The following SESN1 variants were observed in gnomAD, a reference collection of about 807,000 sequenced individuals.
The protein encoded by SESN1 is sestrin-1.
Under a neutral mutation model 59.3 loss-of-function variants are expected in SESN1, and 30 were observed. The ratio of observed to expected loss-of-function variants is 0.51; its 90% CI spans 0.38 to 0.69. SESN1 has a LOEUF of 0.69. SESN1 is among the 30% of genes least tolerant of loss of function. The pLI, the probability that SESN1 is intolerant of heterozygous loss-of-function variation, is 0.00. For synonymous variants in SESN1, 197 were observed against 219.9 expected, an observed-to-expected ratio of 0.90 and a Z score of 0.92; for missense variants, 566 against 673.0, an observed-to-expected ratio of 0.84 and a Z score of 1.76.
At chr6:108,989,595 A>G (rs1249959777) in intron 8 of SESN1, among the ~76,000 whole-genome samples, 13 of 143,246 alleles carry the variant, frequency 9.1e-5, no homozygotes, top group Admixed American at 9.0e-4. Flanking sequence ...AGAGAGAGAT[A>G]GAGAGAGATA....
intron 1 of SESN1, among the ~76,000 whole-genome samples, chr6:109,021,382 C>T (rs1478465572): frequency 6.6e-6 from 1 of 152,166 alleles, no homozygotes; most frequent in African/African-American, 2.4e-5. Context: ...TCATTGTTTT[C>T]CATACAACCC....
chr6:109,056,270 G>A (rs1780631453), intron 1 of SESN1, among the ~76,000 whole-genome samples: 1 of 152,130 alleles, frequency 6.6e-6, no homozygotes, highest in Non-Finnish European at 1.5e-5. Flanking sequence ...AGCGAGGCAT[G>A]GTAGCGTACA....
intron 1 of SESN1, among the ~76,000 whole-genome samples, chr6:109,032,526 G>A (rs1339771750): frequency 1.3e-5 from 2 of 151,506 alleles, no homozygotes; most frequent in African/African-American, 2.4e-5. Context: ...GCTGAGGCAG[G>A]AGAATCGCTT....
intron 1 of SESN1, among the ~76,000 whole-genome samples, chr6:109,056,868 C>T (rs1459472046): frequency 2.0e-5 from 3 of 152,148 alleles, no homozygotes; most frequent in Non-Finnish European, 1.5e-5. Flanking sequence ...GGAGTGATAG[C>T]TCACTTCCAA....
At chr6:109,057,566 T>C (rs1364725871) in intron 1 of SESN1, among the ~76,000 whole-genome samples, 1 of 152,228 alleles carries the variant, frequency 6.6e-6, no homozygotes, top group Non-Finnish European at 1.5e-5. Flanking sequence ...AGGTTCCTCT[T>C]ATTCAAGGAT....
chr6:108,994,550 T>C lies in SESN1; in HGVS notation c.1032A>G (p.Glu344=). 1.2e-6 allele frequency: 2 copies of C among 1,613,746 alleles called. No homozygotes were observed. Among genetic ancestry groups the C allele is most frequent in the Non-Finnish European group, 1.7e-6 (2 of 1,179,804 alleles). Residue 344 remains glutamate, a synonymous_variant, in exon 6 of 10, where the codon GAA becomes GAG. Transcript: ENST00000436639. Reference sequence around the variant, plus strand: ...GACTTGCCTCTTCTTCATCTCGACATTCCTGTAACTGCCTCATCTTTTCCA... The same window carrying C: ...GACTTGCCTCTTCTTCATCTCGACACTCCTGTAACTGCCTCATCTTTTCCA... The part of the protein sequence containing the change: ...ALMEKMRQLQ[E]CRDEEEASQE...
At chr6:109,092,754 A>T (rs559440069) in intron 1 of SESN1, among the ~76,000 whole-genome samples, 5 of 152,196 alleles carry the variant, frequency 3.3e-5, no homozygotes, top group African/African-American at 9.6e-5. Flanking sequence ...GTTACCTAGT[A>T]TATTAATTCC....
chr6:109,055,618 T>C (rs1780616277), intron 1 of SESN1, among the ~76,000 whole-genome samples: 1 of 123,138 alleles, frequency 8.1e-6, no homozygotes, highest in Non-Finnish European at 1.7e-5. Context: ...GTGTAGATCA[T>C]GCCACTGCAC....
rs535093260 is a variant in SESN1 at position 109,026,649 on chromosome 6, C to T, written c.280-24306G>A. Among the ~76,000 whole-genome samples the T allele has an allele frequency of 3.9e-5, 6 of 152,126 alleles. No individual in the cohort carries two copies. In the East Asian group the frequency reaches 5.9e-4, roughly 15 times the overall value. On this transcript the variant is annotated intron_variant, in intron 1 of 9. Coordinates refer to ENST00000436639, the MANE Select transcript of SESN1 (RefSeq NM_014454.3). ...CCTCCCGAGTAGCTAGGACTACAGG[C>T]GTGCGCCACCATGCCCAACTAATTT...
chr6:109,069,743 AG>A (rs111931081), intron 1 of SESN1, among the ~76,000 whole-genome samples: 1,754 of 151,748 alleles, frequency 0.012, 38 homozygotes, highest in African/African-American at 0.04. Flanking sequence ...AGATGGTGGG[AG>A]GGGGGGTCTC....
intron 1 of SESN1, among the ~76,000 whole-genome samples, chr6:109,040,003 A>AG (rs1780314060): frequency 6.6e-6 from 1 of 152,222 alleles, no homozygotes; most frequent in Non-Finnish European, 1.5e-5. Flanking sequence ...GGACTGTGAG[A>AG]GAATGTGTAT....
At chr6:109,052,213 T>TG (rs1780552644) in intron 1 of SESN1, among the ~76,000 whole-genome samples, 3 of 152,262 alleles carry the variant, frequency 2.0e-5, no homozygotes, top group Admixed American at 2.0e-4. Context: ...AAACAGTGCC[T>TG]GGCACTTTGT....
At chr6:109,076,970 C>CTT (rs1158612617) in intron 1 of SESN1, among the ~76,000 whole-genome samples, 2 of 152,148 alleles carry the variant, frequency 1.3e-5, no homozygotes, top group Non-Finnish European at 2.9e-5. Context: ...TACTACACAC[C>CTT]TAGGCTTTAT....
chr6:109,091,537 T>C (rs1483763494), intron 1 of SESN1, among the ~76,000 whole-genome samples: 1 of 152,206 alleles, frequency 6.6e-6, no homozygotes, highest in Admixed American at 6.5e-5. Flanking sequence ...CTGCTCTCCT[T>C]GGCATGAGGC....
chr6:108,992,076 T>C (rs939560990), intron 7 of SESN1, among the ~76,000 whole-genome samples: 4 of 152,136 alleles, frequency 2.6e-5, no homozygotes, highest in African/African-American at 9.7e-5. Context: ...TAACTCTTCC[T>C]TGTGCCTAAA....
rs766055393 is a variant in SESN1 at position 108,990,832 on chromosome 6, A to G, written c.1237T>C (p.Tyr413His). The change falls in exon 8 of 10, where the codon TAT becomes CAT. Residue 413 changes from tyrosine (Y) to histidine (H), a missense_variant. By Grantham distance (83) the Tyr-to-His change is moderately conservative. Transcript: ENST00000436639. ...MHVPTFRVQD[Y>H]CWEDHGYSLV... ...GAATAACCATGATCTTCCCAGCAAT[A>G]GTCCTAAATACAGGGAATAGAACAA... 6.2e-7 allele frequency: 1 copy of G among 1,613,218 alleles called. No individual in the cohort carries two copies.
Position 108,984,927 on chromosome 6 carries a change from C to G in SESN1, c.*2617G>C, listed in dbSNP as rs1248007062. ...TCCCAATTGGTTTCTAGAGTTCTCA[C>G]AAAGATATTCTGGCCCATATATTGT... On this transcript the variant is annotated 3_prime_UTR_variant, in exon 10 of 10. Coordinates refer to ENST00000436639, the MANE Select transcript of SESN1 (RefSeq NM_014454.3). Among the ~76,000 whole-genome samples the G allele has an allele frequency of 6.6e-6, 1 of 152,110 alleles. No homozygotes were observed. The highest frequency in any genetic ancestry group is 1.5e-5 in the Non-Finnish European group (1 of 68,032).
chr6:109,006,294 ATTTT>A (rs1779729464), intron 1 of SESN1, among the ~76,000 whole-genome samples: 1 of 152,254 alleles, frequency 6.6e-6, no homozygotes, highest in African/African-American at 2.4e-5. Flanking sequence ...AAGCCCTGAG[ATTTT>A]TTTAATTTTT....
chr6:108,989,428 T>C (rs189586020), intron 8 of SESN1, among the ~76,000 whole-genome samples: 287 of 149,304 alleles, frequency 1.9e-3, no homozygotes, highest in African/African-American at 7.1e-3. Flanking sequence ...TCTAGAGATA[T>C]ATATCTAGAT....
Sources: allele counts gnomAD v4.1 joint callset (sites outside exome capture counted in the v4.1 genomes callset), GRCh38; gene constraint gnomAD v4.1.1; transcripts MANE v1.5; gene names NCBI Gene and HGNC (gene_info 2026-07-23, HGNC 2026-07-21).